OPTN: variants seen among roughly 807,000 people sequenced by gnomAD.
The protein encoded by OPTN is optineurin, also known as E3-14.7K-interacting protein.
A neutral mutation model predicts 70.4 loss-of-function variants in OPTN; 54 were observed. That is an observed-to-expected ratio of 0.77 (90% CI 0.62 to 0.96). OPTN has a LOEUF of 0.96. Among genes scored for constraint, OPTN ranks in the 40% least tolerant of loss-of-function variants. The probability of loss-of-function intolerance (pLI) is 0.00; values close to 1 mark genes in which losing one functional copy is unlikely to be tolerated. For missense variants in OPTN, 624 were observed against 673.2 expected (o/e 0.93, Z 0.81); for synonymous variants, 256 against 248.5 (o/e 1.03, Z -0.28).
chr10:13,102,050 CAG>C (rs1285193155), intron 1 of OPTN, among the ~76,000 whole-genome samples: 4 of 152,184 alleles, frequency 2.6e-5, no homozygotes, highest in Non-Finnish European at 4.4e-5. Flanking sequence ...GGTGGAAATG[CAG>C]AGTGTTCTTG....
chr10:13,127,443 C>CT (rs34210203), intron 11 of OPTN, among the ~76,000 whole-genome samples: 1 of 151,910 alleles, frequency 6.6e-6, no homozygotes, highest in East Asian at 1.9e-4. Context: ...GTGTTATCAC[C>CT]TTTTTTTTAG....
In OPTN at chr10:13,125,946, G is replaced by A. The variant is rs1247009585; in HGVS notation, c.1149G>A (p.Lys383=). The change falls in exon 11 of 15, where the codon AAG becomes AAA. Residue 383 remains lysine, a splice_region_variant and synonymous_variant. Transcript: ENST00000378747. Reference sequence around the variant, plus strand: ...CATTTTTTAATATCTTTTTTAATAGGTCCAAATTAACTGTGCTACAGATGA... The same window carrying A: ...CATTTTTTAATATCTTTTTTAATAGATCCAAATTAACTGTGCTACAGATGA... ...KMEQAKTEDE[K]SKLTVLQMTH... 4.4e-6 allele frequency: 7 copies of A among 1,600,912 alleles called. No homozygotes were observed. The highest frequency in any genetic ancestry group is 1.3e-5 in the African/African-American group (1 of 74,552).
At position 13,109,130 on chromosome 10, in the gene OPTN, A is replaced by G; in HGVS notation, c.8A>G (p.His3Arg). The change falls in exon 3 of 15, where the codon CAT (histidine) becomes CGT (arginine). Residue 3 changes from histidine (H) to arginine (R), a missense_variant. Transcript: ENST00000378747. ...TCCACAGGAACTTCTGCAATGTCCC[A>G]TCAACCTCTCAGCTGCCTCACTGAA... is the stretch of plus-strand genomic sequence containing the variant. The part of the protein sequence containing the change: MS[H>R]QPLSCLTEKE... 3 of 1,614,030 alleles carry G rather than the reference A, an allele frequency of 1.9e-6. No individual in the cohort carries two copies. The highest frequency in any genetic ancestry group is 2.5e-6 in the Non-Finnish European group (3 of 1,180,000).
Position 13,133,551 on chromosome 10 carries a change from T to C in OPTN, c.1582T>C (p.Ser528Pro). 6.2e-7 allele frequency: 1 copy of C among 1,614,136 alleles called. No individual in the cohort carries two copies. The highest frequency in any genetic ancestry group is 1.1e-5 in the South Asian group (1 of 91,068). The change falls in exon 14 of 15, where the codon TCT becomes CCT. Residue 528 changes from serine (S) to proline (P), a missense_variant. Ser to Pro is a moderately conservative substitution (Grantham distance 74, BLOSUM62 -1). Coordinates refer to ENST00000378747, the MANE Select transcript of OPTN (RefSeq NM_001008212.2). ...QSRHGARTSDSDQQAYLVQRG... is the reference protein window; with the variant it reads ...QSRHGARTSDPDQQAYLVQRG... ...TCGTCATGGGGCGAGAACAAGTGAC[T>C]CTGACCAGCAGGCTTACCTTGTTCA...
intron 5 of OPTN, among the ~76,000 whole-genome samples, chr10:13,115,115 A>T (rs867809798): frequency 3.7e-5 from 3 of 80,254 alleles, no homozygotes; most frequent in Non-Finnish European, 6.0e-5. Flanking sequence ...TATATATATT[A>T]TATATATATA....
At chr10:13,106,401 A>G (rs987300211) in intron 1 of OPTN, among the ~76,000 whole-genome samples, 21 of 152,254 alleles carry the variant, frequency 1.4e-4, no homozygotes, top group African/African-American at 4.3e-4. Flanking sequence ...ATGCTAAGCT[A>G]TGGAACACTT....
chr10:13,127,960 A>C (rs1199253363), intron 12 of OPTN, 57 bp downstream of exon 12: 1 of 1,561,368 alleles, frequency 6.4e-7, no homozygotes, highest in Non-Finnish European at 8.8e-7. Flanking sequence ...GTATTCTCGC[A>C]TTGGAAAGCA....
At chr10:13,115,955 A>T (rs1833198455) in intron 5 of OPTN, among the ~76,000 whole-genome samples, 1 of 152,076 alleles carries the variant, frequency 6.6e-6, no homozygotes. Flanking sequence ...AGAAAGAGGG[A>T]ACTGCCAAGG....
In OPTN at chr10:13,137,865, G is replaced by A. The variant is rs769269716; in HGVS notation, c.*999G>A. On this transcript the variant is annotated 3_prime_UTR_variant, in exon 15 of 15. Coordinates refer to ENST00000378747, the MANE Select transcript of OPTN (RefSeq NM_001008212.2). Reference sequence around the variant, plus strand: ...ATTGTACCTGCAGGCCTGTGGGCTTGTACAGTAGATAATTAATTTCTAAAA... The same window carrying A: ...ATTGTACCTGCAGGCCTGTGGGCTTATACAGTAGATAATTAATTTCTAAAA... The A allele has an allele frequency of 2.2e-5, 5 of 226,268 alleles. No homozygotes were observed. Among genetic ancestry groups the A allele is most frequent in the African/African-American group, 6.7e-5 (3 of 45,056 alleles). The allele number at this position is 226,268 out of a possible 1,614,324, so 14.0% of individuals were successfully genotyped here. A position where few individuals can be genotyped will look rare whatever the true frequency, so the allele number is the denominator to read the frequency against.
chr10:13,115,517 A>C (rs1459845915), intron 5 of OPTN, among the ~76,000 whole-genome samples: 1,516 of 109,884 alleles, frequency 0.014, 105 homozygotes, highest in African/African-American at 0.053. Flanking sequence ...TATATATAAT[A>C]TATTCTATAA....
chr10:13,133,470 A>G (rs1833634155), intron 13 of OPTN, 32 bp from the exon 14 acceptor site: 1 of 1,602,096 alleles, frequency 6.2e-7, no homozygotes, highest in Non-Finnish European at 8.6e-7. Context: ...GTTGTAGAAC[A>G]TCACACAGCG....
chr10:13,120,628 A>G (rs1833326999), intron 7 of OPTN, among the ~76,000 whole-genome samples: 1 of 151,622 alleles, frequency 6.6e-6, no homozygotes, highest in Non-Finnish European at 1.5e-5. Flanking sequence ...CCTGTGGTCC[A>G]TTTTGAGTTT....
chr10:13,100,912 G>A (rs1217326648), intron 1 of OPTN, among the ~76,000 whole-genome samples: 1 of 152,198 alleles, frequency 6.6e-6, no homozygotes, highest in Non-Finnish European at 1.5e-5. Context: ...TCCACCAGCA[G>A]GAAAACTGTT....
rs557328350 is a variant in OPTN at position 13,120,083 on chromosome 10, C to T, written c.779+1043C>T. ...CTGCAAGCTCCGCCTCCCGGGTTCACGCCATTCTCCTGCCTCAGTCTCCCG... is the reference window on the plus strand; with the variant it reads ...CTGCAAGCTCCGCCTCCCGGGTTCATGCCATTCTCCTGCCTCAGTCTCCCG... On this transcript the variant is annotated intron_variant, in intron 7 of 14. Coordinates refer to ENST00000378747, the MANE Select transcript of OPTN (RefSeq NM_001008212.2). Among the ~76,000 whole-genome samples the T allele has an allele frequency of 2.0e-4, 30 of 150,756 alleles. 1 individual carries two copies. The East Asian group carries it at 5.5e-3, about 28-fold the overall frequency.
At position 13,112,601 on chromosome 10, in the gene OPTN, C is replaced by T. The variant is rs1390609205; in HGVS notation, c.518C>T (p.Ser173Phe). 2 of 1,614,000 alleles carry T rather than the reference C, an allele frequency of 1.2e-6. No homozygotes were observed. The highest frequency in any genetic ancestry group is 1.7e-6 in the Non-Finnish European group (2 of 1,180,032). Residue 173 changes from serine to phenylalanine, a missense_variant, in exon 5 of 15, where the codon TCC (serine) becomes TTC (phenylalanine). Transcript: ENST00000378747. ...CAGCTCAAGCTGAACTCCAGCGGCTCCTCAGAAGATTCCTTTGTTGAAATT... is the reference window on the plus strand; with the variant it reads ...CAGCTCAAGCTGAACTCCAGCGGCTTCTCAGAAGATTCCTTTGTTGAAATT... Reference protein sequence around the residue: ...ELQLKLNSSGSSEDSFVEIRM... With the variant: ...ELQLKLNSSGFSEDSFVEIRM...
intron 12 of OPTN, among the ~76,000 whole-genome samples, chr10:13,130,137 T>A (rs902437158): frequency 1.5e-4 from 23 of 152,106 alleles, no homozygotes; most frequent in Non-Finnish European, 2.9e-4. Context: ...TTATAATATG[T>A]CAGAGACGGC....
In OPTN at chr10:13,102,985, G is replaced by A. The variant is rs73577628; in HGVS notation, c.-164+2683G>A. ...AAAAAATAAATATTTAGGAGGTAGAGGTGATGGCATTTGGTGACCCATTAG... is the reference window on the plus strand; with the variant it reads ...AAAAAATAAATATTTAGGAGGTAGAAGTGATGGCATTTGGTGACCCATTAG... On this transcript the variant is annotated intron_variant, in intron 1 of 14. Transcript: ENST00000378747. Among the ~76,000 whole-genome samples, 594 of 151,826 alleles carry A rather than the reference G, an allele frequency of 3.9e-3. 5 individuals are homozygous for A. Among genetic ancestry groups the A allele is most frequent in the African/African-American group, 0.013 (532 of 41,424 alleles).
At chr10:13,132,907 T>C (rs1833623229) in intron 13 of OPTN, among the ~76,000 whole-genome samples, 1 of 152,194 alleles carries the variant, frequency 6.6e-6, no homozygotes, top group Non-Finnish European at 1.5e-5. Context: ...TTTATTTGCT[T>C]CAAGTATTTT....
intron 12 of OPTN, among the ~76,000 whole-genome samples, chr10:13,130,222 C>T (rs922132664): frequency 2.0e-5 from 3 of 151,716 alleles, no homozygotes; most frequent in Admixed American, 6.6e-5. Flanking sequence ...GTCAGGAGTT[C>T]GAGACCAACC....
Sources: allele counts gnomAD v4.1 joint callset (sites outside exome capture counted in the v4.1 genomes callset), GRCh38; gene constraint gnomAD v4.1.1; transcripts MANE v1.5; gene names NCBI Gene and HGNC (gene_info 2026-07-23, HGNC 2026-07-21).